Variants in SNTG2 observed in about 807,000 individuals in gnomAD.
SNTG2 encodes gamma-2-syntrophin.
A neutral mutation model predicts 70.9 loss-of-function variants in SNTG2; 74 were observed. The ratio of observed to expected loss-of-function variants is 1.04; its 90% confidence interval spans 0.86 to 1.27. The LOEUF (loss-of-function observed/expected upper bound fraction) is 1.27, where lower values mean the gene tolerates loss of function less well. SNTG2 is among the 50% of genes most tolerant of loss of function. The pLI is 0.00. For synonymous variants in SNTG2, 278 were observed against 273.8 expected, an observed-to-expected ratio of 1.02 and a Z score of -0.15; for missense variants, 717 against 690.7, an observed-to-expected ratio of 1.04 and a Z score of -0.43.
chr2:1,053,016 T>C (rs1289184124), intron 1 of SNTG2, among the ~76,000 whole-genome samples: 1 of 152,232 alleles, frequency 6.6e-6, no homozygotes, highest in Non-Finnish European at 1.5e-5. Context: ...TTCTGTTATC[T>C]TTTTCTGGTA....
chr2:1,154,387 G>A (rs1159631062), intron 6 of SNTG2, among the ~76,000 whole-genome samples: 6 of 152,194 alleles, frequency 3.9e-5, no homozygotes, highest in African/African-American at 1.4e-4. Context: ...CTTTCTGTCG[G>A]AAGATGTTGA....
intron 4 of SNTG2, chr2:1,103,427 A>C (rs1665917900): frequency 3.8e-6 from 1 of 264,504 alleles, no homozygotes; most frequent in African/African-American, 2.5e-5. Context: ...TCTGTCGCCC[A>C]GGCTGGAGTG....
intron 4 of SNTG2, among the ~76,000 whole-genome samples, chr2:1,117,915 T>C (rs978475911): frequency 3.3e-5 from 5 of 152,124 alleles, no homozygotes; most frequent in Admixed American, 2.0e-4. Flanking sequence ...TGGTTTTGGG[T>C]CCAGGATTGC....
intron 12 of SNTG2, among the ~76,000 whole-genome samples, chr2:1,255,507 A>G (rs1217435178): frequency 6.6e-6 from 1 of 152,114 alleles, no homozygotes; most frequent in African/African-American, 2.4e-5. Flanking sequence ...GCCTTGCTGC[A>G]CTTTGGGAGT....
At chr2:1,338,123 A>G (rs560953218) in intron 16 of SNTG2, among the ~76,000 whole-genome samples, 1 of 152,196 alleles carries the variant, frequency 6.6e-6, no homozygotes, top group South Asian at 2.1e-4. Context: ...CATCAGCTTT[A>G]AAATCAGGAA....
At chr2:1,221,179 T>C (rs1228871276) in intron 9 of SNTG2, among the ~76,000 whole-genome samples, 1 of 152,200 alleles carries the variant, frequency 6.6e-6, no homozygotes, top group East Asian at 1.9e-4. Flanking sequence ...CCACCCGCAC[T>C]GTGTGACACT....
intron 1 of SNTG2, among the ~76,000 whole-genome samples, chr2:952,380 T>G (rs1660002896): frequency 6.6e-6 from 1 of 152,254 alleles, no homozygotes; most frequent in Admixed American, 6.5e-5. Flanking sequence ...TTCTTGCTTT[T>G]AATCATTGTA....
intron 13 of SNTG2, among the ~76,000 whole-genome samples, chr2:1,259,920 G>C (rs1451130654): frequency 6.6e-6 from 1 of 152,202 alleles, no homozygotes; most frequent in Non-Finnish European, 1.5e-5. Context: ...CCGGAGCCTG[G>C]AGGTGCAGCA....
chr2:1,128,031 C>A (rs976664800), intron 4 of SNTG2, among the ~76,000 whole-genome samples: 5 of 152,130 alleles, frequency 3.3e-5, no homozygotes, highest in Non-Finnish European at 7.4e-5. Flanking sequence ...TTGTTTTGTT[C>A]CAGATTTCAG....
intron 15 of SNTG2, among the ~76,000 whole-genome samples, 197 bp downstream of exon 15, chr2:1,308,783 G>C (rs1229325398): frequency 6.6e-6 from 1 of 152,160 alleles, no homozygotes; most frequent in African/African-American, 2.4e-5. Flanking sequence ...GAGGGTGTCT[G>C]GCCAATAGGA....
At chr2:1,117,674 G>A (rs909935694) in intron 4 of SNTG2, among the ~76,000 whole-genome samples, 1 of 152,196 alleles carries the variant, frequency 6.6e-6, no homozygotes, top group African/African-American at 2.4e-5. Context: ...AACTGGACGA[G>A]CTCCCCAGAG....
intron 8 of SNTG2, among the ~76,000 whole-genome samples, chr2:1,199,046 G>C (rs6759872): frequency 0.32 from 48,142 of 150,142 alleles, 8,276 homozygotes; most frequent in East Asian, 0.65. Context: ...CCAGCATTAC[G>C]TAATGCAAAA....
intron 1 of SNTG2, among the ~76,000 whole-genome samples, chr2:1,058,084 T>G (rs183592235): frequency 6.6e-6 from 1 of 152,266 alleles, no homozygotes; most frequent in Non-Finnish European, 1.5e-5. Context: ...ATAAATAACT[T>G]ATATTTGTAT....
chr2:1,018,442 T>G (rs920163577), intron 1 of SNTG2, among the ~76,000 whole-genome samples: 1 of 152,164 alleles, frequency 6.6e-6, no homozygotes, highest in Non-Finnish European at 1.5e-5. Context: ...GAATCCCTGC[T>G]TTAGTGTTCA....
intron 12 of SNTG2, among the ~76,000 whole-genome samples, chr2:1,255,127 C>T (rs954285579): frequency 6.6e-6 from 1 of 151,954 alleles, no homozygotes; most frequent in African/African-American, 2.4e-5. Flanking sequence ...GAAGTCGTGG[C>T]GTGGAGTCTG....
intron 4 of SNTG2, among the ~76,000 whole-genome samples, chr2:1,100,440 C>T (rs1665715802): frequency 6.6e-6 from 1 of 152,222 alleles, no homozygotes; most frequent in African/African-American, 2.4e-5. Flanking sequence ...CCACCGCACC[C>T]AGCCTCTTTT....
chr2:984,109 A>G (rs1443039352), intron 1 of SNTG2, among the ~76,000 whole-genome samples: 3 of 152,100 alleles, frequency 2.0e-5, no homozygotes, highest in African/African-American at 7.2e-5. Context: ...TGAGCCACAC[A>G]TCCCTCGGCT....
intron 9 of SNTG2, among the ~76,000 whole-genome samples, chr2:1,236,422 G>A (rs1018321192): frequency 6.6e-6 from 1 of 152,238 alleles, no homozygotes; most frequent in African/African-American, 2.4e-5. Context: ...CTGTGCGAAG[G>A]TGGAGGCAGA....
chr2:993,822 A>G (rs1394800038), intron 1 of SNTG2, among the ~76,000 whole-genome samples: 2 of 152,154 alleles, frequency 1.3e-5, no homozygotes, highest in African/African-American at 4.8e-5. Flanking sequence ...TATATTTTCT[A>G]ATGTTTCCAT....
Sources: allele counts gnomAD v4.1 joint callset (sites outside exome capture counted in the v4.1 genomes callset), GRCh38; gene constraint gnomAD v4.1.1; transcripts MANE v1.5; gene names NCBI Gene and HGNC (gene_info 2026-07-23, HGNC 2026-07-21).